RPTOR: variants seen among roughly 807,000 people sequenced by gnomAD.
The protein encoded by RPTOR is regulatory associated protein of MTOR complex 1.
In RPTOR, 21 loss-of-function variants were observed where a neutral mutation model predicts 169.9. The observed-to-expected ratio is 0.12, with a 90% CI of 0.09 to 0.18. RPTOR has a LOEUF of 0.18. Among genes scored for constraint, RPTOR ranks in the 10% least tolerant of loss-of-function variants. The probability of loss-of-function intolerance (pLI) is 1.00; values close to 1 mark genes in which losing one functional copy is unlikely to be tolerated. For missense variants in RPTOR, 1,133 were observed against 1,855.9 expected (o/e 0.61, Z 7.16); for synonymous variants, 732 against 753.2 (o/e 0.97, Z 0.46).
At chr17:80,874,387 G>C (rs1258143971) in intron 13 of RPTOR, among the ~76,000 whole-genome samples, 1 of 152,070 alleles carries the variant, frequency 6.6e-6, no homozygotes, top group Non-Finnish European at 1.5e-5. Flanking sequence ...AGTAGAGATG[G>C]GGTTTCACCG....
chr17:80,780,599 G>A (rs920286050), intron 6 of RPTOR, among the ~76,000 whole-genome samples: 1 of 152,186 alleles, frequency 6.6e-6, no homozygotes, highest in Admixed American at 6.5e-5. Flanking sequence ...GAGCGGAACC[G>A]TGACCTGTGA....
chr17:80,763,494 G>C (rs1178870285), intron 6 of RPTOR, among the ~76,000 whole-genome samples: 1 of 152,226 alleles, frequency 6.6e-6, no homozygotes. Flanking sequence ...CCTCGAACGA[G>C]ATAAGATGGG....
chr17:80,605,133 T>C (rs1474053168), intron 1 of RPTOR, among the ~76,000 whole-genome samples: 1 of 152,198 alleles, frequency 6.6e-6, no homozygotes, highest in Non-Finnish European at 1.5e-5. Context: ...GGATGGCCCA[T>C]GTTTCACCAG....
chr17:80,671,340 G>C (rs980031804), intron 3 of RPTOR, among the ~76,000 whole-genome samples: 2 of 152,146 alleles, frequency 1.3e-5, no homozygotes, highest in African/African-American at 4.8e-5. Context: ...GTGTGTTCCT[G>C]CTGAAGCATC....
At position 80,822,435 on chromosome 17, in the gene RPTOR, A is replaced by T; in HGVS notation, c.991+134A>T. ...TGAGGAAGACAGTGGGAGGGGCTGA[A>T]AAGTAGAAGGCGACCACCTAAGGAG... On this transcript the variant is annotated intron_variant, in intron 8 of 33. Coordinates refer to ENST00000306801, the MANE Select transcript of RPTOR (RefSeq NM_020761.3). The T allele has an allele frequency of 8.0e-6, 7 of 877,028 alleles. 1 individual carries two copies. In the South Asian group the frequency reaches 9.9e-5, roughly 12 times the overall value. The allele number at this position is 877,028 out of a possible 1,614,324, so 54.3% of individuals were successfully genotyped here. A position where few individuals can be genotyped will look rare whatever the true frequency, so the allele number is the denominator to read the frequency against.
intron 24 of RPTOR, among the ~76,000 whole-genome samples, chr17:80,930,945 G>T (rs1169267162): frequency 6.6e-6 from 1 of 152,216 alleles, no homozygotes; most frequent in African/African-American, 2.4e-5. Context: ...CAGGGGTCAG[G>T]TTTATCAGCC....
intron 1 of RPTOR, among the ~76,000 whole-genome samples, chr17:80,576,595 C>T (rs1386714389): frequency 1.3e-5 from 2 of 152,234 alleles, no homozygotes; most frequent in African/African-American, 4.8e-5. Flanking sequence ...CGTCTCAGAA[C>T]TTTCCTATGG....
At chr17:80,766,125 G>C (rs1203893487) in intron 6 of RPTOR, among the ~76,000 whole-genome samples, 1 of 151,834 alleles carries the variant, frequency 6.6e-6, no homozygotes, top group Non-Finnish European at 1.5e-5. Flanking sequence ...GTGTGAACAC[G>C]GCCCACCGTA....
At chr17:80,751,175 G>A (rs1467350355) in intron 5 of RPTOR, among the ~76,000 whole-genome samples, 1 of 152,192 alleles carries the variant, frequency 6.6e-6, no homozygotes, top group Non-Finnish European at 1.5e-5. Flanking sequence ...AGTGAATACA[G>A]CTCTGTGTGT....
chr17:80,921,038 TA>T (rs1438315852), intron 21 of RPTOR, among the ~76,000 whole-genome samples: 1 of 152,254 alleles, frequency 6.6e-6, no homozygotes, highest in African/African-American at 2.4e-5. Flanking sequence ...ATTTTCTTGC[TA>T]TTTGCGTTTT....
intron 1 of RPTOR, among the ~76,000 whole-genome samples, chr17:80,597,437 G>C (rs1441309076): frequency 2.0e-5 from 3 of 152,146 alleles, no homozygotes; most frequent in Non-Finnish European, 4.4e-5. Flanking sequence ...ACCAGGTGAA[G>C]GAATCTCAAC....
Position 80,722,292 on chromosome 17 carries a change from C to T in RPTOR, c.508-8268C>T, listed in dbSNP as rs1049826364. 3.3e-5 allele frequency among the ~76,000 whole-genome samples: 5 copies of T among 151,274 alleles called. No homozygotes were observed. The South Asian group carries it at 6.2e-4, about 19-fold the overall frequency. ...CAGGCAATCAAATGAAAATAACCAA[C>T]TCTCTGTAGAGGTGGTAGTTGCAGC... is the stretch of plus-strand genomic sequence containing the variant. On this transcript the variant is annotated intron_variant, in intron 4 of 33. Coordinates refer to ENST00000306801, the MANE Select transcript of RPTOR (RefSeq NM_020761.3).
At chr17:80,759,483 G>T (rs919644753) in intron 6 of RPTOR, among the ~76,000 whole-genome samples, 8 of 152,106 alleles carry the variant, frequency 5.3e-5, no homozygotes, top group African/African-American at 1.9e-4. Flanking sequence ...ACCACTGCCT[G>T]GAACAATTGA....
chr17:80,947,728 C>T lies in RPTOR; in HGVS notation c.3265+377C>T, dbSNP rs772956209. Among the ~76,000 whole-genome samples, 2 of 152,168 alleles carry T rather than the reference C, an allele frequency of 1.3e-5. No individual in the cohort carries two copies. Among genetic ancestry groups the T allele is most frequent in the Non-Finnish European group, 2.9e-5 (2 of 68,030 alleles). On this transcript the variant is annotated intron_variant, in intron 27 of 33. Transcript: ENST00000306801. This position sits in a 1 kb window ranked among gnomAD's most constrained non-coding sequence, Gnocchi z 4.4. Reference sequence around the variant, plus strand: ...GCCACAACACGTGCCAGGTCCTCCCCGGCCAGGGTCTCCTGGCATCGCTGG... The same window carrying T: ...GCCACAACACGTGCCAGGTCCTCCCTGGCCAGGGTCTCCTGGCATCGCTGG...
chr17:80,706,181 G>A (rs1004773772), intron 3 of RPTOR, among the ~76,000 whole-genome samples: 1 of 152,226 alleles, frequency 6.6e-6, no homozygotes, highest in Admixed American at 6.5e-5. Context: ...GCATATGTTG[G>A]TGCTGCTTTG....
intron 17 of RPTOR, 66 bp downstream of exon 17, chr17:80,885,214 A>G: frequency 6.6e-7 from 1 of 1,519,962 alleles, no homozygotes; most frequent in Non-Finnish European, 8.9e-7. Flanking sequence ...CCTGGGGCCA[A>G]GCCCGCATGG....
chr17:80,615,342 G>A (rs1177326346), intron 1 of RPTOR, among the ~76,000 whole-genome samples: 1 of 152,136 alleles, frequency 6.6e-6, no homozygotes, highest in African/African-American at 2.4e-5. Flanking sequence ...GTCTAGAATT[G>A]GATCTTGTAG....
chr17:80,815,691 GA>G (rs2067315135), intron 7 of RPTOR, among the ~76,000 whole-genome samples: 1 of 152,256 alleles, frequency 6.6e-6, no homozygotes, highest in African/African-American at 2.4e-5. Flanking sequence ...ATTAACAGTG[GA>G]ACAATGGCGG....
intron 13 of RPTOR, among the ~76,000 whole-genome samples, chr17:80,863,912 C>G (rs2067950004): frequency 6.6e-6 from 1 of 151,974 alleles, no homozygotes; most frequent in Admixed American, 6.6e-5. Context: ...AGAGTGAGGC[C>G]CTGCCTCAAA....
Sources: allele counts gnomAD v4.1 joint callset (sites outside exome capture counted in the v4.1 genomes callset), GRCh38; gene constraint gnomAD v4.1.1; non-coding constraint Gnocchi (gnomAD v3.1); transcripts MANE v1.5; gene names NCBI Gene and HGNC (gene_info 2026-07-23, HGNC 2026-07-21).